CCNB3: variants seen among roughly 807,000 people sequenced by gnomAD.
CCNB3 encodes cyclin B3, also known as G2/mitotic-specific cyclin-B3.
CCNB3 carries 12 observed loss-of-function variants against 68.0 expected under a neutral mutation model. The ratio of observed to expected loss-of-function variants is 0.18; its 90% confidence interval spans 0.11 to 0.29. The LOEUF is 0.29. Ranked by LOEUF, CCNB3 falls within the 10% of genes least tolerant of loss-of-function variation. The pLI is 1.00. For synonymous variants in CCNB3, 354 were observed against 388.9 expected, an observed-to-expected ratio of 0.91 and a Z score of 1.06; for missense variants, 904 against 993.1, an observed-to-expected ratio of 0.91 and a Z score of 1.21.
At chrX:50,206,758 G>GA (rs1365395499) in intron 1 of CCNB3, among the ~76,000 whole-genome samples, 45 of 99,380 alleles carry the variant, frequency 4.5e-4, no homozygotes, top group Non-Finnish European at 7.8e-4. Flanking sequence ...TCTACCAAAA[G>GA]AAAAAAAAAA....
At chrX:50,216,269 T>TTGTG (rs1185678132) in intron 1 of CCNB3, among the ~76,000 whole-genome samples, 1 of 101,668 alleles carries the variant, frequency 9.8e-6, no homozygotes, top group Non-Finnish European at 2.0e-5. Context: ...GTGTGTGTGT[T>TTGTG]TGTGTGTGTG....
chrX:50,340,742 G>C (rs1002739745), intron 8 of CCNB3, among the ~76,000 whole-genome samples: 7 of 111,802 alleles, frequency 6.3e-5, no homozygotes, highest in African/African-American at 2.3e-4. Context: ...TACTGCAGGG[G>C]CCAGCACAAA....
chrX:50,342,166 A>G (rs1557219702), intron 8 of CCNB3, 36 bp from the exon 9 acceptor site: 1 of 1,208,824 alleles, frequency 8.3e-7, no homozygotes, highest in South Asian at 1.8e-5. Flanking sequence ...GGAGCTGGAC[A>G]ATATGCAGAT....
intron 1 of CCNB3, among the ~76,000 whole-genome samples, chrX:50,228,594 G>T (rs1158235301): frequency 6.3e-5 from 5 of 79,790 alleles, no homozygotes; most frequent in African/African-American, 1.4e-4. Context: ...ATAGAATATA[G>T]ATAATATATA....
At chrX:50,292,858 CATCTT>C (rs1326361336) in intron 4 of CCNB3, among the ~76,000 whole-genome samples, 3 of 111,471 alleles carry the variant, frequency 2.7e-5, no homozygotes, top group Non-Finnish European at 5.6e-5. Flanking sequence ...GTTCCAGACT[CATCTT>C]ATGTCTCCTT....
At chrX:50,349,581 CA>C (rs1399677651) in intron 11 of CCNB3, among the ~76,000 whole-genome samples, 30 of 112,437 alleles carry the variant, frequency 2.7e-4, no homozygotes, top group African/African-American at 9.0e-4. Context: ...TGAACTGACA[CA>C]GTGGCACTGG....
chrX:50,224,959 A>G (rs1229257904), intron 1 of CCNB3, among the ~76,000 whole-genome samples: 4 of 111,851 alleles, frequency 3.6e-5, no homozygotes, highest in Admixed American at 1.9e-4. Flanking sequence ...GAATGTTAGA[A>G]CAGTTTCAAA....
intron 1 of CCNB3, among the ~76,000 whole-genome samples, chrX:50,211,596 C>T (rs1468665808): frequency 3.4e-4 from 38 of 111,389 alleles, no homozygotes; most frequent in Admixed American, 3.1e-3. Flanking sequence ...GGGAGGATCG[C>T]TTGAGCCCAG....
intron 3 of CCNB3, among the ~76,000 whole-genome samples, chrX:50,286,430 G>A (rs1437981538): frequency 1.8e-5 from 2 of 109,709 alleles, no homozygotes; most frequent in Non-Finnish European, 3.8e-5. Flanking sequence ...ATCCTGAGTA[G>A]CTAGGATTAC....
intron 1 of CCNB3, among the ~76,000 whole-genome samples, chrX:50,225,902 T>A (rs957495572): frequency 8.7e-5 from 9 of 102,955 alleles, no homozygotes; most frequent in African/African-American, 3.2e-4. Context: ...TAGGGCCAGC[T>A]TTTAGATGAT....
At chrX:50,340,955 A>G (rs1047414206) in intron 8 of CCNB3, among the ~76,000 whole-genome samples, 1 of 112,221 alleles carries the variant, frequency 8.9e-6, no homozygotes, top group Non-Finnish European at 1.9e-5. Flanking sequence ...ATGAAAATAG[A>G]AATACAACAT....
At chrX:50,347,836 T>C in intron 11 of CCNB3, 61 bp downstream of exon 11, 2 of 1,097,929 alleles carry the variant, frequency 1.8e-6, no homozygotes, top group African/African-American at 3.6e-5. Flanking sequence ...GGTCAGCTCA[T>C]GGGGAAGGTG....
intron 5 of CCNB3, 129 bp downstream of exon 5, chrX:50,295,122 G>T: frequency 3.0e-6 from 2 of 658,485 alleles, no homozygotes; most frequent in Non-Finnish European, 2.2e-6. Context: ...TGCTGAGGTG[G>T]GCTCAGCTGT....
chrX:50,350,442 C>G (rs782228399), intron 11 of CCNB3, among the ~76,000 whole-genome samples: 34 of 112,032 alleles, frequency 3.0e-4, no homozygotes, highest in Non-Finnish European at 5.3e-4. Context: ...TTAAACACTG[C>G]TATACCGCTT....
At chrX:50,227,433 A>T (rs1935894634) in intron 1 of CCNB3, among the ~76,000 whole-genome samples, 1 of 88,518 alleles carries the variant, frequency 1.1e-5, no homozygotes, top group African/African-American at 4.1e-5. Flanking sequence ...AAATATATAC[A>T]GAGAATATAT....
intron 1 of CCNB3, among the ~76,000 whole-genome samples, chrX:50,280,258 A>ATATAGAATATAGATATAAATATATG (rs1936111580): frequency 4.1e-5 from 4 of 98,656 alleles, no homozygotes; most frequent in East Asian, 3.1e-4. Flanking sequence ...ATAAATATCT[A>ATATAGAATATAGATATAAATATATG]TATAGAATAT....
rs1557214532 is a variant in CCNB3 at position 50,310,360 on chromosome X, C to T, written c.2191C>T (p.Leu731=). The change falls in exon 6 of 13, where the codon CTG becomes TTG. Residue 731 remains leucine, a synonymous_variant. Coordinates refer to ENST00000376042, the MANE Select transcript of CCNB3 (RefSeq NM_033031.3). The part of the protein sequence containing the change: ...EESLINKLLA[L]KEELSAEAAT... ...GTCCCTTATCAATAAGCTATTGGCT[C>T]TGAAGGAGGAGCTTTCTGCTGAGGC... 1 of 1,211,862 alleles carries T rather than the reference C, an allele frequency of 8.3e-7. No individual in the cohort carries two copies. Among genetic ancestry groups the T allele is most frequent in the Non-Finnish European group, 1.1e-6 (1 of 895,522 alleles).
intron 1 of CCNB3, among the ~76,000 whole-genome samples, chrX:50,281,460 G>A (rs1327543214): frequency 9.0e-6 from 1 of 111,594 alleles, no homozygotes; most frequent in East Asian, 2.8e-4. Context: ...CTTTGGGCAA[G>A]TACTGCTGGC....
chrX:50,225,782 G>A (rs1202768805), intron 1 of CCNB3, among the ~76,000 whole-genome samples: 4 of 107,846 alleles, frequency 3.7e-5, no homozygotes, highest in African/African-American at 6.7e-5. Context: ...CAGGTTTGGG[G>A]AGGGGCTTGA....
Sources: gnomAD v4.1 joint callset for allele counts (sites outside exome capture counted in the v4.1 genomes callset) on GRCh38, gnomAD v4.1.1 for gene constraint, MANE v1.5 for transcripts, NCBI Gene and HGNC (gene_info 2026-07-23, HGNC 2026-07-21) for gene names.